RNF220: variants seen among roughly 807,000 people sequenced by gnomAD.
RNF220 encodes E3 ubiquitin-protein ligase RNF220.
Under a neutral mutation model 67.1 loss-of-function variants are expected in RNF220, and 7 were observed. The ratio of observed to expected loss-of-function variants is 0.10; its 90% CI spans 0.06 to 0.20. RNF220 has a LOEUF of 0.20. Ranked by LOEUF, RNF220 falls within the 10% of genes least tolerant of loss-of-function variation. The pLI is 1.00. For synonymous variants in RNF220, 270 were observed against 283.2 expected, an observed-to-expected ratio of 0.95 and a Z score of 0.47; for missense variants, 565 against 740.3, an observed-to-expected ratio of 0.76 and a Z score of 2.75.
chr1:44,497,741 C>A (rs1390519745), intron 2 of RNF220, among the ~76,000 whole-genome samples: 1 of 152,196 alleles, frequency 6.6e-6, no homozygotes, highest in South Asian at 2.1e-4. Context: ...TTCAACAATT[C>A]CCCTCATCCC....
At chr1:44,461,686 A>G (rs1429890468) in intron 2 of RNF220, among the ~76,000 whole-genome samples, 1 of 152,194 alleles carries the variant, frequency 6.6e-6, no homozygotes, top group East Asian at 1.9e-4. Flanking sequence ...ATGAAGGTGC[A>G]TGATGAGAGC....
chr1:44,519,289 T>C (rs1259505987), intron 2 of RNF220, among the ~76,000 whole-genome samples: 1 of 152,226 alleles, frequency 6.6e-6, no homozygotes, highest in Non-Finnish European at 1.5e-5. Flanking sequence ...TTAATACATG[T>C]CAAGCACTAC....
chr1:44,575,116 G>A (rs1275428173), intron 2 of RNF220, among the ~76,000 whole-genome samples: 1 of 152,016 alleles, frequency 6.6e-6, no homozygotes, highest in African/African-American at 2.4e-5. Flanking sequence ...CCTTCCATTA[G>A]AACTTATTCC....
chr1:44,440,365 T>G (rs1470534846), intron 2 of RNF220, among the ~76,000 whole-genome samples: 1 of 152,104 alleles, frequency 6.6e-6, no homozygotes, highest in Non-Finnish European at 1.5e-5. Flanking sequence ...GTATGCAGTG[T>G]GCAAGGGTGG....
chr1:44,420,144 G>T (rs1050022256), intron 2 of RNF220, among the ~76,000 whole-genome samples: 3 of 152,232 alleles, frequency 2.0e-5, no homozygotes, highest in African/African-American at 7.2e-5. Flanking sequence ...TCTGGTTTAA[G>T]ATGACCTAGA....
intron 2 of RNF220, among the ~76,000 whole-genome samples, chr1:44,490,388 T>G (rs1369673701): frequency 1.3e-5 from 2 of 151,746 alleles, no homozygotes; most frequent in African/African-American, 2.4e-5. Flanking sequence ...AAGAATCACT[T>G]GAACCCAGAG....
In RNF220 at chr1:44,548,924, G is replaced by C. The variant is rs1662394247; in HGVS notation, c.626-65241G>C. Among the ~76,000 whole-genome samples the C allele has an allele frequency of 2.0e-5, 3 of 152,316 alleles. No homozygotes were observed. The East Asian group carries it at 5.8e-4, about 29-fold the overall frequency. Reference sequence around the variant, plus strand: ...TCTCAAAACAGCTATGATTGGCCGGGCGTGGTGGCTTATGCTTGTAATCCC... The same window carrying C: ...TCTCAAAACAGCTATGATTGGCCGGCCGTGGTGGCTTATGCTTGTAATCCC... On this transcript the variant is annotated intron_variant, in intron 2 of 14. Coordinates refer to ENST00000361799, the MANE Select transcript of RNF220 (RefSeq NM_018150.4).
intron 4 of RNF220, among the ~76,000 whole-genome samples, chr1:44,623,461 G>A (rs145256274): frequency 6.6e-6 from 1 of 152,316 alleles, no homozygotes; most frequent in Non-Finnish European, 1.5e-5. Flanking sequence ...TGGACACAGT[G>A]GGTACTACTT....
intron 2 of RNF220, among the ~76,000 whole-genome samples, chr1:44,602,677 C>T (rs1455837587): frequency 6.6e-6 from 1 of 152,070 alleles, no homozygotes; most frequent in Non-Finnish European, 1.5e-5. Context: ...ACATACCGCT[C>T]ATCTCATCCA....
At chr1:44,487,291 C>T (rs781784) in intron 2 of RNF220, among the ~76,000 whole-genome samples, 148,777 of 151,950 alleles carry the variant, frequency 0.98, 72,916 homozygotes, top group South Asian at 1. Flanking sequence ...GCTGAGATTG[C>T]GCCATTGCAC....
chr1:44,439,262 CTTAT>C (rs760951466), intron 2 of RNF220, among the ~76,000 whole-genome samples: 12 of 152,072 alleles, frequency 7.9e-5, no homozygotes, highest in African/African-American at 2.7e-4. Flanking sequence ...AAAATGGTTT[CTTAT>C]TTATTTAATC....
At chr1:44,428,951 A>G (rs957966708) in intron 2 of RNF220, among the ~76,000 whole-genome samples, 1 of 151,938 alleles carries the variant, frequency 6.6e-6, no homozygotes, top group East Asian at 1.9e-4. Context: ...CTCCTGCCCC[A>G]TTCTGTTTTT....
At chr1:44,537,245 A>T (rs1661306272) in intron 2 of RNF220, among the ~76,000 whole-genome samples, 3 of 152,082 alleles carry the variant, frequency 2.0e-5, no homozygotes, top group Admixed American at 6.5e-5. Context: ...TCTAAACTTG[A>T]TAGAGTTCAC....
At chr1:44,405,640 G>C in intron 1 of RNF220, 110 bp downstream of exon 1, 1 of 265,594 alleles carries the variant, frequency 3.8e-6, no homozygotes, top group South Asian at 9.1e-5. Flanking sequence ...CCGTTTCCTA[G>C]GGATTCGGGC....
chr1:44,586,940 C>T (rs890699279), intron 2 of RNF220, among the ~76,000 whole-genome samples: 9 of 152,064 alleles, frequency 5.9e-5, no homozygotes, highest in Admixed American at 5.2e-4. Flanking sequence ...TCTCAGTAAC[C>T]GCATCATAAC....
At chr1:44,544,402 A>G (rs993731000) in intron 2 of RNF220, among the ~76,000 whole-genome samples, 5 of 152,208 alleles carry the variant, frequency 3.3e-5, no homozygotes, top group Non-Finnish European at 7.3e-5. Flanking sequence ...TCTGAGCCTC[A>G]GTTTCCTTAT....
intron 2 of RNF220, among the ~76,000 whole-genome samples, chr1:44,452,725 C>G (rs1268696334): frequency 6.6e-6 from 1 of 152,016 alleles, no homozygotes; most frequent in Non-Finnish European, 1.5e-5. Context: ...CCTGCCTTGG[C>G]CTTCTTGAAG....
intron 2 of RNF220, among the ~76,000 whole-genome samples, chr1:44,571,327 T>G (rs1439285103): frequency 6.6e-6 from 1 of 152,230 alleles, no homozygotes; most frequent in African/African-American, 2.4e-5. Context: ...TCGCAGATCC[T>G]CATGACTCTC....
At chr1:44,554,592 A>G (rs921968745) in intron 2 of RNF220, among the ~76,000 whole-genome samples, 37 of 152,116 alleles carry the variant, frequency 2.4e-4, no homozygotes, top group Non-Finnish European at 4.0e-4. Context: ...TGGGACTTGG[A>G]ATCAGCTGAG....
Sources: allele counts gnomAD v4.1 joint callset (sites outside exome capture counted in the v4.1 genomes callset), GRCh38; gene constraint gnomAD v4.1.1; transcripts MANE v1.5; gene names NCBI Gene and HGNC (gene_info 2026-07-23, HGNC 2026-07-21).